The following WDR70 variants were observed in gnomAD, a reference collection of about 807,000 sequenced individuals.
WDR70 encodes WD repeat-containing protein 70.
WDR70 carries 53 observed loss-of-function variants against 88.6 expected under a neutral mutation model. The observed-to-expected ratio is 0.60, with a 90% CI of 0.48 to 0.75. WDR70 has a LOEUF of 0.75. Ranked by LOEUF, WDR70 falls within the 30% of genes least tolerant of loss-of-function variation. The pLI is 0.00. For synonymous variants in WDR70, 280 were observed against 270.0 expected, an observed-to-expected ratio of 1.04 and a Z score of -0.36; for missense variants, 610 against 823.2, an observed-to-expected ratio of 0.74 and a Z score of 3.17.
At chr5:37,465,848 T>C in intron 7 of WDR70, among the ~76,000 whole-genome samples, 1 of 151,682 alleles carries the variant, frequency 6.6e-6, no homozygotes, top group East Asian at 1.9e-4. Flanking sequence ...TCATTTTTGA[T>C]AGATAAATTT....
intron 11 of WDR70, among the ~76,000 whole-genome samples, chr5:37,698,137 AT>A (rs576853581): frequency 2.0e-5 from 3 of 151,996 alleles, no homozygotes; most frequent in Admixed American, 2.0e-4. Flanking sequence ...TTGCTTGACC[AT>A]TGCTTTTTTT....
intron 5 of WDR70, among the ~76,000 whole-genome samples, chr5:37,432,417 C>G (rs1750333935): frequency 6.6e-6 from 1 of 152,176 alleles, no homozygotes; most frequent in South Asian, 2.1e-4. Context: ...GAGACGTAGT[C>G]TCGCTCTGTG....
At chr5:37,469,542 C>T (rs1159954468) in intron 7 of WDR70, among the ~76,000 whole-genome samples, 5 of 152,092 alleles carry the variant, frequency 3.3e-5, no homozygotes, top group African/African-American at 1.2e-4. Flanking sequence ...CTTAAACAGG[C>T]AGAGTGGGAG....
chr5:37,722,886 C>A lies in WDR70; in HGVS notation c.1549C>A (p.Arg517=). ...GAKLCVVKTQ[R]KAKQAETLTQ... Reference sequence around the variant, plus strand: ...AAAATTATGTGTGGTTAAAACCCAGCGGAAGGCAAAACAAGCTGAGACTCT... The same window carrying A: ...AAAATTATGTGTGGTTAAAACCCAGAGGAAGGCAAAACAAGCTGAGACTCT... Residue 517 remains arginine, a synonymous_variant, in exon 15 of 18, where the codon CGG becomes AGG. Transcript: ENST00000265107. The A allele has an allele frequency of 1.9e-6, 3 of 1,613,554 alleles. No individual in the cohort carries two copies. Among genetic ancestry groups the A allele is most frequent in the African/African-American group, 1.3e-5 (1 of 74,994 alleles).
intron 10 of WDR70, among the ~76,000 whole-genome samples, chr5:37,615,717 C>T (rs1464773133): frequency 6.6e-6 from 1 of 152,214 alleles, no homozygotes; most frequent in East Asian, 1.9e-4. Context: ...ATACCCAAAA[C>T]ACAACCTGTC....
At chr5:37,461,630 C>T (rs1191641814) in intron 7 of WDR70, among the ~76,000 whole-genome samples, 2 of 151,932 alleles carry the variant, frequency 1.3e-5, no homozygotes, top group African/African-American at 2.4e-5. Context: ...ACTACAGGTG[C>T]CCACCACCAC....
chr5:37,649,671 T>C (rs1446381091), intron 10 of WDR70, among the ~76,000 whole-genome samples: 2 of 150,852 alleles, frequency 1.3e-5, no homozygotes, highest in Non-Finnish European at 3.0e-5. Flanking sequence ...TGAAAAGTTA[T>C]AGTACATATG....
chr5:37,573,664 TTTG>T (rs1246291354), intron 9 of WDR70, among the ~76,000 whole-genome samples: 10 of 151,820 alleles, frequency 6.6e-5, no homozygotes, highest in Non-Finnish European at 8.8e-5. Context: ...GTGCCTCTTT[TTTG>T]TTGTTGTTCT....
intron 5 of WDR70, among the ~76,000 whole-genome samples, chr5:37,401,807 G>T (rs1013730364): frequency 2.0e-5 from 3 of 151,916 alleles, no homozygotes; most frequent in African/African-American, 7.3e-5. Flanking sequence ...ATTTTTAATT[G>T]ACATAATTGT....
At chr5:37,527,078 G>A (rs1741302947) in intron 9 of WDR70, among the ~76,000 whole-genome samples, 1 of 152,122 alleles carries the variant, frequency 6.6e-6, no homozygotes, top group Non-Finnish European at 1.5e-5. Context: ...TAGATTCAAT[G>A]CCATCCCCAT....
intron 10 of WDR70, among the ~76,000 whole-genome samples, chr5:37,618,664 T>A (rs1744415244): frequency 6.6e-6 from 1 of 152,004 alleles, no homozygotes; most frequent in African/African-American, 2.4e-5. Context: ...TGGGAAAAGG[T>A]TGAGGTGGGT....
chr5:37,608,770 G>C (rs867328451), intron 10 of WDR70, among the ~76,000 whole-genome samples: 14 of 152,048 alleles, frequency 9.2e-5, no homozygotes, highest in African/African-American at 2.7e-4. Context: ...TGTAACCCAG[G>C]CTGGTCTTGA....
chr5:37,598,754 A>G (rs1743773841), intron 9 of WDR70, among the ~76,000 whole-genome samples: 1 of 152,238 alleles, frequency 6.6e-6, no homozygotes, highest in Non-Finnish European at 1.5e-5. Context: ...TGAAGAACAC[A>G]TATTTTGAAA....
chr5:37,653,486 A>G lies in WDR70; in HGVS notation c.1093-44169A>G, dbSNP rs565596878. On this transcript the variant is annotated intron_variant, in intron 10 of 17. Coordinates refer to ENST00000265107, the MANE Select transcript of WDR70 (RefSeq NM_018034.4). ...GTTAGGGAGGAGTCCCTCTTTTTCT[A>G]TTGTTTGGGATAGTTTCAGAAGGGA... Among the ~76,000 whole-genome samples, 353 of 151,964 alleles carry G rather than the reference A, an allele frequency of 2.3e-3. 2 individuals are homozygous for G. The highest frequency in any genetic ancestry group is 8.1e-3 in the African/African-American group (337 of 41,426).
chr5:37,730,957 G>A (rs1192437272), intron 17 of WDR70, among the ~76,000 whole-genome samples: 2 of 152,132 alleles, frequency 1.3e-5, no homozygotes, highest in African/African-American at 2.4e-5. Flanking sequence ...ATTAGGGTAT[G>A]TTCCCAGAGA....
At chr5:37,612,325 G>A (rs1385567317) in intron 10 of WDR70, among the ~76,000 whole-genome samples, 3 of 152,070 alleles carry the variant, frequency 2.0e-5, no homozygotes, top group African/African-American at 7.2e-5. Flanking sequence ...CTACTGCATA[G>A]TCCTACAGCA....
chr5:37,558,253 T>C (rs1432840381), intron 9 of WDR70, among the ~76,000 whole-genome samples: 1 of 152,212 alleles, frequency 6.6e-6, no homozygotes, highest in Non-Finnish European at 1.5e-5. Context: ...TTGATATTTA[T>C]GTTTTGAAGA....
chr5:37,670,948 T>C (rs1033053058), intron 10 of WDR70, among the ~76,000 whole-genome samples: 1 of 152,226 alleles, frequency 6.6e-6, no homozygotes, highest in Non-Finnish European at 1.5e-5. Context: ...TCTATACTTG[T>C]ATCCGCATTG....
intron 8 of WDR70, among the ~76,000 whole-genome samples, chr5:37,489,798 T>C (rs1369557017): frequency 6.6e-6 from 1 of 151,696 alleles, no homozygotes; most frequent in Non-Finnish European, 1.5e-5. Flanking sequence ...CAGGCATTTT[T>C]TTTTTTATTA....
Sources: allele counts gnomAD v4.1 joint callset (sites outside exome capture counted in the v4.1 genomes callset), GRCh38; gene constraint gnomAD v4.1.1; transcripts MANE v1.5; gene names NCBI Gene and HGNC (gene_info 2026-07-23, HGNC 2026-07-21).